UCN3: variants seen among roughly 807,000 people sequenced by gnomAD.
UCN3 encodes urocortin-3.
A neutral mutation model predicts 3.6 loss-of-function variants in UCN3; 3 were observed. The observed-to-expected ratio is 0.83, with a 90% CI of 0.38 to 2.15. UCN3 has a LOEUF of 2.15. Ranked by LOEUF, UCN3 falls within the 30% of genes most tolerant of loss-of-function variation. UCN3 has a pLI of 0.06. For synonymous variants in UCN3, 100 were observed against 93.2 expected (o/e 1.07, Z -0.42); for missense variants, 206 against 208.3 (o/e 0.99, Z 0.07).
chr10:5,368,298 C>T (rs1475593741), intron 1 of UCN3, among the ~76,000 whole-genome samples: 1 of 152,198 alleles, frequency 6.6e-6, no homozygotes, highest in Non-Finnish European at 1.5e-5. Context: ...GCCACCCAGT[C>T]CGGCCAGCAC....
rs10904481 is a variant in UCN3, at chr10:5,373,991, A to G, written c.271A>G (p.Arg91Gly). 0.32 allele frequency: 517,369 copies of G among 1,608,508 alleles called. 88,374 individuals are homozygous for G. The highest frequency in any genetic ancestry group is 0.53 in the South Asian group (48,135 of 90,396). ...FPISGARGGA[R>G]GTRYRYVSQA... is the part of the protein sequence containing the mutation. ...CATCTCTGGGGCCAGGGGTGGAGCC[A>G]GAGGCACCCGGTACAGATACGTGTC... is the stretch of plus-strand genomic sequence containing the variant. Residue 91 changes from arginine to glycine, a missense_variant, in exon 2 of 2, where the codon AGA becomes GGA. Transcript: ENST00000380433.
intron 1 of UCN3, among the ~76,000 whole-genome samples, chr10:5,370,323 GTA>G (rs1419900209): frequency 2.1e-5 from 2 of 93,850 alleles, no homozygotes; most frequent in Non-Finnish European, 4.0e-5. Context: ...GTATGTGTGT[GTA>G]TATGCGTGTG....
At chr10:5,370,505 G>T (rs1309124932) in intron 1 of UCN3, among the ~76,000 whole-genome samples, 4 of 104,638 alleles carry the variant, frequency 3.8e-5, no homozygotes, top group African/African-American at 1.5e-4. Flanking sequence ...GTGTATATGC[G>T]TGTGTATATG....
intron 1 of UCN3, among the ~76,000 whole-genome samples, chr10:5,371,616 G>A (rs570652525): frequency 6.6e-6 from 1 of 152,070 alleles, no homozygotes; most frequent in African/African-American, 2.4e-5. Context: ...GTGGGAAATG[G>A]CCTCGTCAAG....
At chr10:5,369,371 G>A (rs1554810979) in intron 1 of UCN3, among the ~76,000 whole-genome samples, 1 of 152,334 alleles carries the variant, frequency 6.6e-6, no homozygotes, top group Admixed American at 6.5e-5. Flanking sequence ...AGCCTTGATT[G>A]AGCATCTGCT....
At chr10:5,368,644 T>C (rs2119097823) in intron 1 of UCN3, among the ~76,000 whole-genome samples, 1 of 152,318 alleles carries the variant, frequency 6.6e-6, no homozygotes, top group South Asian at 2.1e-4. Flanking sequence ...AATTGGTTTT[T>C]GTTTTTTTAA....
rs1554811139 is a variant in UCN3, at chr10:5,370,196, TGTATATGC to T, written c.-6-3516_-6-3509del. ...GTGTATATGCGTGTGTATATGCGTG[TGTATATGC>T]GTGTGTATGTGTGTGTATGTGCGTG... On this transcript the variant is annotated intron_variant, in intron 1 of 1. Coordinates refer to ENST00000380433, the MANE Select transcript of UCN3 (RefSeq NM_053049.4). 5.5e-3 allele frequency among the ~76,000 whole-genome samples: 443 copies of T among 80,494 alleles called. 59 individuals are homozygous for T. Among genetic ancestry groups the T allele is most frequent in the Non-Finnish European group, 7.6e-3 (340 of 44,744 alleles). The allele number at this position is 80,494 out of a possible 152,430, so 52.8% of individuals were successfully genotyped here.
intron 1 of UCN3, 39 bp from the exon 2 acceptor site, chr10:5,373,676 C>T (rs782586735): frequency 1.9e-6 from 3 of 1,590,758 alleles, no homozygotes; most frequent in Non-Finnish European, 2.6e-6. Flanking sequence ...CACCACGCCC[C>T]TCCCATGCCC....
chr10:5,374,054 G>T lies in UCN3; in HGVS notation c.334G>T (p.Ala112Ser). The T allele has an allele frequency of 6.2e-7, 1 of 1,613,094 alleles. No individual in the cohort carries two copies. Among genetic ancestry groups the T allele is most frequent in the Non-Finnish European group, 8.5e-7 (1 of 1,179,596 alleles). ...CAGGGGAAAGCCACGCCAGGACACGGCCAAGAGTCCCCACCGCACCAAGTT... is the reference window on the plus strand; with the variant it reads ...CAGGGGAAAGCCACGCCAGGACACGTCCAAGAGTCCCCACCGCACCAAGTT... ...QPRGKPRQDTAKSPHRTKFTL... is the reference protein window; with the variant it reads ...QPRGKPRQDTSKSPHRTKFTL... Residue 112 changes from alanine to serine, a missense_variant, in exon 2 of 2, where the codon GCC becomes TCC. Ala to Ser is a moderately conservative substitution (Grantham distance 99). Transcript: ENST00000380433.
At chr10:5,372,188 C>T (rs914308825) in intron 1 of UCN3, among the ~76,000 whole-genome samples, 2 of 152,180 alleles carry the variant, frequency 1.3e-5, no homozygotes, top group Non-Finnish European at 1.5e-5. Context: ...AGAGTGTGTG[C>T]CCGCAGACCA....
intron 1 of UCN3, among the ~76,000 whole-genome samples, chr10:5,371,317 G>C (rs1287321429): frequency 6.7e-6 from 1 of 149,344 alleles, no homozygotes; most frequent in Non-Finnish European, 1.5e-5. Context: ...GTATGTGTAT[G>C]TACGTGTAAG....
chr10:5,372,737 T>G (rs1448130296), intron 1 of UCN3, among the ~76,000 whole-genome samples: 2 of 144,654 alleles, frequency 1.4e-5, no homozygotes, highest in African/African-American at 2.6e-5. Context: ...TTTTTTTTTG[T>G]AGAGATGAGG....
At position 5,366,853 on chromosome 10, in the gene UCN3, G is replaced by A. The variant is rs1834122105; in HGVS notation, c.-7+1623G>A. ...TGCAGGCTAGAGCTGAGGGTTTGCA[G>A]AGAGAGAAAGGTCTGCTACCTGCAG... On this transcript the variant is annotated intron_variant, in intron 1 of 1. Transcript: ENST00000380433. This position sits in a 1 kb window ranked among gnomAD's most constrained non-coding sequence, Gnocchi z 4.2. 6.6e-6 allele frequency among the ~76,000 whole-genome samples: 1 copy of A among 152,168 alleles called. No homozygotes were observed. The highest frequency in any genetic ancestry group is 1.5e-5 in the Non-Finnish European group (1 of 68,034).
At chr10:5,371,693 C>A (rs1184174616) in intron 1 of UCN3, among the ~76,000 whole-genome samples, 2 of 152,172 alleles carry the variant, frequency 1.3e-5, no homozygotes, top group Non-Finnish European at 2.9e-5. Context: ...CCCTGCCTGG[C>A]CCTGCTCTGC....
rs1309571084 is a variant in UCN3 at position 5,370,335 on chromosome 10, GTA to G, written c.-6-3376_-6-3375del. ...CGTGTATGTGTGTGTATATGCGTGT[GTA>G]TATGCGTGTGTATATGTGTGTGTAT... On this transcript the variant is annotated intron_variant, in intron 1 of 1. Coordinates refer to ENST00000380433, the MANE Select transcript of UCN3 (RefSeq NM_053049.4). Among the ~76,000 whole-genome samples, 25 of 82,024 alleles carry G rather than the reference GTA, an allele frequency of 3.0e-4. 2 individuals are homozygous for G. Among genetic ancestry groups the G allele is most frequent in the East Asian group, 1.0e-3 (3 of 2,914 alleles). 53.8% of individuals were successfully genotyped at this position (82,024 alleles called of 152,430 possible).
At position 5,373,841 on chromosome 10, in the gene UCN3, T is replaced by A. The variant is rs1554811773; in HGVS notation, c.121T>A (p.Ser41Thr). The change falls in exon 2 of 2, where the codon TCT becomes ACT. Residue 41 changes from serine to threonine, a missense_variant. Physicochemically the swap from Ser to Thr is moderately conservative, Grantham distance 58 (BLOSUM62 1). Coordinates refer to ENST00000380433, the MANE Select transcript of UCN3 (RefSeq NM_053049.4). ...PIFSCLNTAL[S>T]EAEKGQWEDA... Reference sequence around the variant, plus strand: ...CTTCAGCTGCCTCAACACCGCCCTGTCTGAGGCTGAGAAGGGCCAGTGGGA... The same window carrying A: ...CTTCAGCTGCCTCAACACCGCCCTGACTGAGGCTGAGAAGGGCCAGTGGGA... The A allele has an allele frequency of 1.2e-6, 2 of 1,613,988 alleles. No individual in the cohort carries two copies. The highest frequency in any genetic ancestry group is 8.5e-7 in the Non-Finnish European group (1 of 1,179,962).
rs1283299358 is a variant in UCN3 at position 5,366,438 on chromosome 10, C to G, written c.-7+1208C>G. Reference sequence around the variant, plus strand: ...AATCTTAAACTTTTGTGCTGTTTCACCAAGAATATGGCAGAAGAGTCCAAG... The same window carrying G: ...AATCTTAAACTTTTGTGCTGTTTCAGCAAGAATATGGCAGAAGAGTCCAAG... On this transcript the variant is annotated intron_variant, in intron 1 of 1. Coordinates refer to ENST00000380433, the MANE Select transcript of UCN3 (RefSeq NM_053049.4). The surrounding 1 kb of genome is among the most constrained non-coding windows in gnomAD (Gnocchi z 4.2). Among the ~76,000 whole-genome samples the G allele has an allele frequency of 6.6e-6, 1 of 152,104 alleles. No homozygotes were observed. Among genetic ancestry groups the G allele is most frequent in the Non-Finnish European group, 1.5e-5 (1 of 68,006 alleles).
intron 1 of UCN3, among the ~76,000 whole-genome samples, chr10:5,373,345 A>C (rs900871673): frequency 6.6e-6 from 1 of 152,218 alleles, no homozygotes; most frequent in Admixed American, 6.5e-5. Flanking sequence ...CTAGGTGCTT[A>C]CTTAGTATAT....
At position 5,370,778 on chromosome 10, in the gene UCN3, C is replaced by CGT. The variant is rs139294043; in HGVS notation, c.-6-2926_-6-2925dup. ...GTGTGTGTATATGCGTGTGTATATG[C>CGT]GTGTGTGTGTGTATGCGTGTGTATA... On this transcript the variant is annotated intron_variant, in intron 1 of 1. Transcript: ENST00000380433. Among the ~76,000 whole-genome samples the CGT allele has an allele frequency of 6.7e-3, 487 of 72,520 alleles. 37 individuals are homozygous for CGT. Among genetic ancestry groups the CGT allele is most frequent in the East Asian group, 0.025 (49 of 1,948 alleles). 47.6% of individuals were successfully genotyped at this position (72,520 alleles called of 152,430 possible).
Sources: allele counts gnomAD v4.1 joint callset (sites outside exome capture counted in the v4.1 genomes callset), GRCh38; gene constraint gnomAD v4.1.1; non-coding constraint Gnocchi (gnomAD v3.1); transcripts MANE v1.5; gene names NCBI Gene and HGNC (gene_info 2026-07-23, HGNC 2026-07-21).